The following SAMTOR variants were observed in gnomAD, a reference collection of about 807,000 sequenced individuals.
SAMTOR encodes UPF0532 protein C7orf60.
the SAMTOR span, among the ~76,000 whole-genome samples, chr7:112,836,795 T>C: frequency 1.3e-5 from 2 of 152,114 alleles, no homozygotes; most frequent in Admixed American, 1.3e-4. Flanking sequence ...TGTCCATTGG[T>C]CTGTGTGTCT....
chr7:112,934,829 C>G, the SAMTOR span, among the ~76,000 whole-genome samples: 57 of 152,264 alleles, frequency 3.7e-4, no homozygotes, highest in Non-Finnish European at 5.9e-5. Flanking sequence ...TCTAGTGTAT[C>G]TTTTCAACTG....
chr7:112,861,280 G>A, the SAMTOR span, among the ~76,000 whole-genome samples: 3 of 152,076 alleles, frequency 2.0e-5, no homozygotes, highest in Non-Finnish European at 4.4e-5. Flanking sequence ...AGTATCTAGT[G>A]CTTAAGAATA....
At chr7:112,856,580 C>G in the SAMTOR span, among the ~76,000 whole-genome samples, 1 of 152,282 alleles carries the variant, frequency 6.6e-6, no homozygotes, top group East Asian at 1.9e-4. Flanking sequence ...CAGCACTGAC[C>G]TCTGCATATC....
At chr7:112,905,355 C>A in the SAMTOR span, among the ~76,000 whole-genome samples, 2 of 152,102 alleles carry the variant, frequency 1.3e-5, no homozygotes, top group Non-Finnish European at 2.9e-5. Flanking sequence ...CCTCAGTCAC[C>A]TCTATAAATT....
chr7:112,866,244 A>C, the SAMTOR span, among the ~76,000 whole-genome samples: 1 of 152,248 alleles, frequency 6.6e-6, no homozygotes, highest in Admixed American at 6.5e-5. Flanking sequence ...CATACACAAT[A>C]TAATAAATGT....
chr7:112,841,048 C>T, the SAMTOR span, among the ~76,000 whole-genome samples: 1 of 152,200 alleles, frequency 6.6e-6, no homozygotes, highest in East Asian at 1.9e-4. Context: ...CCTCTCACGA[C>T]TCCTATTCAA....
the SAMTOR span, among the ~76,000 whole-genome samples, chr7:112,834,017 T>C: frequency 6.6e-6 from 1 of 152,190 alleles, no homozygotes; most frequent in Non-Finnish European, 1.5e-5. Flanking sequence ...TAGTCTTAAG[T>C]ACCTACGACT....
At chr7:112,883,815 T>C in the SAMTOR span, among the ~76,000 whole-genome samples, 1 of 152,238 alleles carries the variant, frequency 6.6e-6, no homozygotes, top group Non-Finnish European at 1.5e-5. Flanking sequence ...TTCCTTCTAT[T>C]TTACAAATTC....
chr7:112,880,057 C>G, the SAMTOR span, among the ~76,000 whole-genome samples: 3 of 152,040 alleles, frequency 2.0e-5, no homozygotes, highest in African/African-American at 7.2e-5. Context: ...GAATGCTGTA[C>G]CTCTGACTAA....
At chr7:112,854,527 T>A in the SAMTOR span, among the ~76,000 whole-genome samples, 1 of 152,176 alleles carries the variant, frequency 6.6e-6, no homozygotes, top group Admixed American at 6.5e-5. Flanking sequence ...CTGAAAAAAG[T>A]TTTTCTCAAA....
At chr7:112,905,657 A>G in the SAMTOR span, among the ~76,000 whole-genome samples, 1 of 152,198 alleles carries the variant, frequency 6.6e-6, no homozygotes, top group African/African-American at 2.4e-5. Flanking sequence ...ATATTCATAA[A>G]TCTAAGAAGA....
chr7:112,850,492 G>A, the SAMTOR span, among the ~76,000 whole-genome samples: 1 of 152,194 alleles, frequency 6.6e-6, no homozygotes, highest in East Asian at 1.9e-4. Flanking sequence ...GTTCTTCTTT[G>A]TGCATCTGGT....
the SAMTOR span, among the ~76,000 whole-genome samples, chr7:112,852,155 T>G: frequency 1.3e-5 from 2 of 152,202 alleles, no homozygotes; most frequent in Non-Finnish European, 2.9e-5. Context: ...CCTGCCCTTG[T>G]ATGTTGATCA....
At chr7:112,852,652 A>G in the SAMTOR span, among the ~76,000 whole-genome samples, 12 of 152,282 alleles carry the variant, frequency 7.9e-5, no homozygotes, top group African/African-American at 2.9e-4. Flanking sequence ...ACAGAATAAA[A>G]TATCACTCTC....
At chr7:112,836,398 A>C in the SAMTOR span, among the ~76,000 whole-genome samples, 3 of 151,786 alleles carry the variant, frequency 2.0e-5, no homozygotes, top group African/African-American at 7.2e-5. Flanking sequence ...TGTCAGATGC[A>C]TGGTTATATT....
the SAMTOR span, among the ~76,000 whole-genome samples, chr7:112,871,963 AG>A: frequency 1.3e-5 from 2 of 152,222 alleles, no homozygotes; most frequent in Admixed American, 6.5e-5. Context: ...AACCCTGAAG[AG>A]ACCAATGTGT....
chr7:112,919,725 G>T, the SAMTOR span, among the ~76,000 whole-genome samples: 3 of 151,356 alleles, frequency 2.0e-5, no homozygotes, highest in Admixed American at 6.6e-5. Context: ...GAAGAAAAGA[G>T]AGAAGAATCA....
the SAMTOR span, among the ~76,000 whole-genome samples, chr7:112,825,196 A>AT: frequency 1.1e-3 from 160 of 144,274 alleles, no homozygotes; most frequent in East Asian, 2.6e-3. Flanking sequence ...TAATTTTTCT[A>AT]TTTTTTTTTT....
At chr7:112,871,826 C>T in the SAMTOR span, among the ~76,000 whole-genome samples, 5 of 152,012 alleles carry the variant, frequency 3.3e-5, no homozygotes, top group Non-Finnish European at 5.9e-5. Context: ...GACATGATAC[C>T]AATCCCAAAG....
Sources: allele counts gnomAD v4.1 joint callset (sites outside exome capture counted in the v4.1 genomes callset), GRCh38; gene constraint gnomAD v4.1.1; transcripts MANE v1.5; gene names NCBI Gene and HGNC (gene_info 2026-07-23, HGNC 2026-07-21).